Variants in SUSD1 observed in about 807,000 individuals in gnomAD.
SUSD1 encodes sushi domain containing 1, also known as sushi domain-containing protein 1.
A neutral mutation model predicts 86.9 loss-of-function variants in SUSD1; 65 were observed. The observed-to-expected ratio is 0.75, with a 90% CI of 0.61 to 0.92. The LOEUF is 0.92. SUSD1 is among the 40% of genes least tolerant of loss of function. SUSD1 has a pLI of 0.00. For synonymous variants in SUSD1, 346 were observed against 350.0 expected (o/e 0.99, Z 0.13); for missense variants, 850 against 929.7 (o/e 0.91, Z 1.11).
chr9:112,137,939 T>A (rs1055264099), intron 5 of SUSD1: 1 of 151,664 alleles, frequency 6.6e-6, no homozygotes, highest in Middle Eastern at 3.2e-3. Flanking sequence ...AATATAAAAA[T>A]TGGCTGGGTG....
chr9:112,143,712 C>T, intron 3 of SUSD1, 89 bp from the exon 4 acceptor site: 1 of 1,304,978 alleles, frequency 7.7e-7, no homozygotes, highest in South Asian at 1.6e-5. Flanking sequence ...CATTTTTTCA[C>T]ATTTTCAAGC....
chr9:112,046,510 C>T (rs1827961824), intron 15 of SUSD1, among the ~76,000 whole-genome samples: 1 of 152,148 alleles, frequency 6.6e-6, no homozygotes, highest in African/African-American at 2.4e-5. Flanking sequence ...GTGATGGGGC[C>T]TTGCTGGACT....
At chr9:112,142,591 A>C in intron 4 of SUSD1, 92 bp from the exon 5 acceptor site, 1 of 1,179,656 alleles carries the variant, frequency 8.5e-7, no homozygotes, top group East Asian at 2.6e-5. Context: ...TTCCTCACAC[A>C]CACACACCCC....
chr9:112,090,753 A>G (rs1207005375), intron 10 of SUSD1, among the ~76,000 whole-genome samples: 1 of 152,212 alleles, frequency 6.6e-6, no homozygotes, highest in Non-Finnish European at 1.5e-5. Context: ...TTATAAGTAA[A>G]TAAAAGTTGT....
At chr9:112,111,513 C>T (rs1396702200) in intron 8 of SUSD1, 141 bp downstream of exon 8, 4 of 1,105,126 alleles carry the variant, frequency 3.6e-6, no homozygotes, top group Non-Finnish European at 5.1e-6. Flanking sequence ...TGCTCTAGTT[C>T]TGTGGCTGGA....
intron 3 of SUSD1, among the ~76,000 whole-genome samples, chr9:112,145,756 A>G (rs1240205941): frequency 6.6e-6 from 1 of 152,172 alleles, no homozygotes; most frequent in Non-Finnish European, 1.5e-5. Flanking sequence ...TCAATTGCTG[A>G]AGGAGCCCAT....
chr9:112,148,277 C>A lies in SUSD1; in HGVS notation c.373+967G>T, dbSNP rs114329498. Among the ~76,000 whole-genome samples the A allele has an allele frequency of 4.1e-3, 627 of 152,240 alleles. 2 individuals carry two copies. Among genetic ancestry groups the A allele is most frequent in the African/African-American group, 0.014 (600 of 41,528 alleles). On this transcript the variant is annotated intron_variant, in intron 3 of 16. Transcript: ENST00000374270. ...AGAGAGCAACATTAAATAGCGTATGCTGTTTATAGAGTTCAGATAACAGAG... is the reference window on the plus strand; with the variant it reads ...AGAGAGCAACATTAAATAGCGTATGATGTTTATAGAGTTCAGATAACAGAG...
intron 8 of SUSD1, among the ~76,000 whole-genome samples, chr9:112,106,053 G>A (rs1338441892): frequency 2.0e-5 from 3 of 152,018 alleles, no homozygotes; most frequent in Non-Finnish European, 2.9e-5. Flanking sequence ...GCAGTGGTGC[G>A]ATCTTGGCTC....
At chr9:112,103,034 A>G in intron 8 of SUSD1, 1 of 360,228 alleles carries the variant, frequency 2.8e-6, no homozygotes, top group South Asian at 2.3e-5. Flanking sequence ...AGTGATTTTC[A>G]AGAAAAAGCA....
chr9:112,133,580 A>T (rs908405193), intron 5 of SUSD1, among the ~76,000 whole-genome samples: 2 of 152,264 alleles, frequency 1.3e-5, no homozygotes, highest in Non-Finnish European at 2.9e-5. Flanking sequence ...GATAGATTAA[A>T]GACTTGAATA....
chr9:112,173,888 T>C, intron 1 of SUSD1: 1 of 282,360 alleles, frequency 3.5e-6, no homozygotes, highest in South Asian at 3.8e-5. Context: ...AAGATTCGTA[T>C]CTTTGTGATC....
chr9:112,162,742 T>A (rs546488575), intron 1 of SUSD1, among the ~76,000 whole-genome samples: 1 of 152,318 alleles, frequency 6.6e-6, no homozygotes, highest in African/African-American at 2.4e-5. Context: ...TTTCCCCCTG[T>A]AAATAATTAA....
intron 8 of SUSD1, among the ~76,000 whole-genome samples, chr9:112,102,707 A>T (rs1246620485): frequency 6.6e-6 from 1 of 152,256 alleles, no homozygotes; most frequent in Non-Finnish European, 1.5e-5. Flanking sequence ...GAAAACGGCA[A>T]ATAAAAATCA....
At chr9:112,102,379 A>G in intron 8 of SUSD1, 94 bp from the exon 9 acceptor site, 1 of 534,498 alleles carries the variant, frequency 1.9e-6, no homozygotes, top group South Asian at 3.5e-5. Context: ...ACCTTAAGAG[A>G]GCCAATTGGG....
At position 112,102,292 on chromosome 9, in the gene SUSD1, G is replaced by C. The variant is rs761849471; in HGVS notation, c.1172-7C>G. ...TCTTCTAAGAGATCAACTTCTAAAA[G>C]ACAAGAGAGAGAGTTATAGACAGCT... On this transcript the variant is annotated splice_region_variant and splice_polypyrimidine_tract_variant and intron_variant, in intron 8 of 16. Coordinates refer to ENST00000374270, the MANE Select transcript of SUSD1 (RefSeq NM_022486.5). 75 of 1,484,542 alleles carry C rather than the reference G, an allele frequency of 5.1e-5. No individual in the cohort carries two copies. Among genetic ancestry groups the C allele is most frequent in the Non-Finnish European group, 6.7e-5 (72 of 1,079,196 alleles). The allele number at this position is 1,484,542 out of a possible 1,614,324, so 92.0% of individuals were successfully genotyped here.
intron 3 of SUSD1, among the ~76,000 whole-genome samples, chr9:112,147,964 T>C (rs1434338008): frequency 6.6e-6 from 1 of 152,222 alleles, no homozygotes; most frequent in Non-Finnish European, 1.5e-5. Context: ...AAATGTTTTC[T>C]CTGAAGGAAT....
At chr9:112,097,864 A>G (rs185707190) in intron 10 of SUSD1, among the ~76,000 whole-genome samples, 2 of 151,904 alleles carry the variant, frequency 1.3e-5, no homozygotes, top group Non-Finnish European at 2.9e-5. Context: ...TGTCTGATAA[A>G]CCCACAGGAT....
intron 5 of SUSD1, among the ~76,000 whole-genome samples, chr9:112,126,681 G>A (rs957230734): frequency 6.6e-6 from 1 of 152,106 alleles, no homozygotes; most frequent in Non-Finnish European, 1.5e-5. Flanking sequence ...ACAGCTATAC[G>A]TCTGAATCCC....
intron 12 of SUSD1, among the ~76,000 whole-genome samples, chr9:112,069,447 G>C (rs980947821): frequency 6.6e-6 from 1 of 152,120 alleles, no homozygotes; most frequent in Non-Finnish European, 1.5e-5. Flanking sequence ...ACAACAGCTG[G>C]ATTCCTGTGG....
Sources: allele counts gnomAD v4.1 joint callset (sites outside exome capture counted in the v4.1 genomes callset), GRCh38; gene constraint gnomAD v4.1.1; transcripts MANE v1.5; gene names NCBI Gene and HGNC (gene_info 2026-07-23, HGNC 2026-07-21).